Variants in TDRD10 observed in about 807,000 individuals in gnomAD.
The protein encoded by TDRD10 is tudor domain containing 10.
In TDRD10, 40 loss-of-function variants were observed where a neutral mutation model predicts 48.0. The observed-to-expected ratio is 0.83, with a 90% CI of 0.65 to 1.09. The LOEUF (loss-of-function observed/expected upper bound fraction) is 1.09, where lower values mean the gene tolerates loss of function less well. Among genes scored for constraint, TDRD10 ranks in the 50% least tolerant of loss-of-function variants. TDRD10 has a pLI of 0.00. For synonymous variants in TDRD10, 162 were observed against 170.4 expected (o/e 0.95, Z 0.38); for missense variants, 378 against 434.7 (o/e 0.87, Z 1.16).
Position 154,515,834 on chromosome 1 carries a change from C to T in TDRD10, c.142-4470C>T, listed in dbSNP as rs562322606. On this transcript the variant is annotated intron_variant, in intron 4 of 12. Transcript: ENST00000368482. ...GGTTCAAGCGATTCTCCTGCCTCAGCCTCCTAAGTAGGTGGGATTACAGGC... is the reference window on the plus strand; with the variant it reads ...GGTTCAAGCGATTCTCCTGCCTCAGTCTCCTAAGTAGGTGGGATTACAGGC... Among the ~76,000 whole-genome samples, 8 of 152,338 alleles carry T rather than the reference C, an allele frequency of 5.3e-5. No homozygotes were observed. In the East Asian group the frequency reaches 1.5e-3, roughly 29 times the overall value.
chr1:154,510,037 C>A (rs1165637233), intron 4 of TDRD10, among the ~76,000 whole-genome samples: 1 of 152,128 alleles, frequency 6.6e-6, no homozygotes, highest in Non-Finnish European at 1.5e-5. Flanking sequence ...ACCCATAGTG[C>A]CTTCTTTCGA....
intron 4 of TDRD10, among the ~76,000 whole-genome samples, chr1:154,519,881 A>G (rs4288587): frequency 6.6e-6 from 1 of 151,868 alleles, no homozygotes. Flanking sequence ...TTCCGGGAAG[A>G]GGAAGGGAAC....
At chr1:154,538,840 G>A (rs188189706) in intron 6 of TDRD10, among the ~76,000 whole-genome samples, 2 of 99,372 alleles carry the variant, frequency 2.0e-5, no homozygotes, top group African/African-American at 6.7e-5. Context: ...GTGACGGAGC[G>A]AGACTCCATC....
chr1:154,536,207 C>A (rs895814264), intron 6 of TDRD10, among the ~76,000 whole-genome samples: 69 of 152,290 alleles, frequency 4.5e-4, no homozygotes, highest in African/African-American at 1.5e-3. Flanking sequence ...GAAACCCCGT[C>A]TCTACTAAAA....
At chr1:154,521,041 C>T (rs933116668) in intron 5 of TDRD10, among the ~76,000 whole-genome samples, 9 of 152,148 alleles carry the variant, frequency 5.9e-5, no homozygotes, top group African/African-American at 2.2e-4. Context: ...ACCTGGCTTG[C>T]TTTGAACTTT....
At chr1:154,526,430 T>C (rs1359038013) in intron 6 of TDRD10, among the ~76,000 whole-genome samples, 1 of 151,320 alleles carries the variant, frequency 6.6e-6, no homozygotes, top group Non-Finnish European at 1.5e-5. Context: ...TTTTTTTTTT[T>C]TTTTTTTGAG....
intron 4 of TDRD10, among the ~76,000 whole-genome samples, chr1:154,518,912 A>G (rs530852326): frequency 3.3e-5 from 5 of 152,346 alleles, no homozygotes; most frequent in Admixed American, 2.0e-4. Context: ...TTTCTATTTT[A>G]TTTTAGTAAT....
chr1:154,546,577 C>T (rs749965601), intron 11 of TDRD10, among the ~76,000 whole-genome samples: 3 of 150,354 alleles, frequency 2.0e-5, no homozygotes, highest in Non-Finnish European at 4.4e-5. Flanking sequence ...GGCTTGTGCC[C>T]AGTGGGCAGG....
chr1:154,504,560 T>C (rs559641208), intron 1 of TDRD10, among the ~76,000 whole-genome samples: 4 of 152,362 alleles, frequency 2.6e-5, no homozygotes, highest in African/African-American at 9.6e-5. Flanking sequence ...TATCTCTTGC[T>C]TTTAGCCACC....
At chr1:154,530,227 C>T (rs1694538426) in intron 6 of TDRD10, among the ~76,000 whole-genome samples, 1 of 152,086 alleles carries the variant, frequency 6.6e-6, no homozygotes. Context: ...GTTGGCCAGG[C>T]TGGTCTTGAA....
At chr1:154,527,272 A>G (rs1273446526) in intron 6 of TDRD10, among the ~76,000 whole-genome samples, 1 of 152,236 alleles carries the variant, frequency 6.6e-6, no homozygotes, top group Non-Finnish European at 1.5e-5. Flanking sequence ...CGGAAGACCA[A>G]TTGTATTGGC....
In TDRD10 at chr1:154,507,316, T is replaced by G. The variant is rs1307621813; in HGVS notation, c.78T>G (p.Ser26=). ...GKNGVLEEQK[S]PGFKKRETEV... ...ATGGAGTGTTGGAGGAGCAGAAATCTCCAGGTAAGTTAGGCTGGGGGATTC... is the reference window on the plus strand; with the variant it reads ...ATGGAGTGTTGGAGGAGCAGAAATCGCCAGGTAAGTTAGGCTGGGGGATTC... Residue 26 remains serine, a synonymous_variant, in exon 3 of 13, where the codon TCT becomes TCG. Coordinates refer to ENST00000368482, the MANE Select transcript of TDRD10 (RefSeq NM_182499.4). The G allele has an allele frequency of 1.9e-6, 3 of 1,614,036 alleles. No individual in the cohort carries two copies. The highest frequency in any genetic ancestry group is 2.5e-6 in the Non-Finnish European group (3 of 1,180,010).
At chr1:154,544,649 T>C in intron 10 of TDRD10, 132 bp downstream of exon 10, 1 of 1,467,902 alleles carries the variant, frequency 6.8e-7, no homozygotes, top group South Asian at 1.4e-5. Flanking sequence ...TTTATCCTTA[T>C]TTCCTCACTC....
chr1:154,508,364 C>T (rs995816764), intron 3 of TDRD10, 59 bp from the exon 4 acceptor site: 1 of 1,176,122 alleles, frequency 8.5e-7, no homozygotes, highest in Non-Finnish European at 1.3e-6. Context: ...TGTATTCTGA[C>T]TCCTCTGAAT....
At chr1:154,506,805 G>A (rs1570888940) in intron 1 of TDRD10, 72 bp from the exon 2 acceptor site, 17 of 1,334,376 alleles carry the variant, frequency 1.3e-5, no homozygotes, top group Non-Finnish European at 1.2e-5. Context: ...GCTTACCACA[G>A]TACCTATTCG....
chr1:154,506,851 C>CT (rs1693179626), intron 1 of TDRD10, 26 bp from the exon 2 acceptor site: 1 of 1,600,908 alleles, frequency 6.2e-7, no homozygotes, highest in Non-Finnish European at 8.6e-7. Context: ...TGGCATTCCT[C>CT]TAACTGTGGC....
At chr1:154,503,909 A>G (rs80162210) in intron 1 of TDRD10, among the ~76,000 whole-genome samples, 1 of 152,224 alleles carries the variant, frequency 6.6e-6, no homozygotes, top group African/African-American at 2.4e-5. Context: ...CACCTGTTTT[A>G]AGTGTGCACC....
rs1557821455 is a variant in TDRD10, at chr1:154,521,386, TAA to T, written c.278_279del (p.Lys93ThrfsTer21). On this transcript the variant is annotated frameshift_variant, in exon 6 of 13. Transcript: ENST00000368482. LOFTEE classifies it high-confidence loss of function. ...VTLAIQELNG[K>X]LFHKRKLFVN... The stretch of plus-strand genomic sequence containing the variant: ...CACTTGCAATCCAGGAGCTGAATGG[TAA>T]ACTCTTCCACAAGCGAAAACTGTTC... The T allele has an allele frequency of 4.3e-6, 7 of 1,614,214 alleles. No homozygotes were observed. The highest frequency in any genetic ancestry group is 5.9e-6 in the Non-Finnish European group (7 of 1,180,044).
At position 154,508,457 on chromosome 1, in the gene TDRD10, C is replaced by A. The variant is rs747466912; in HGVS notation, c.117C>A (p.Gly39=). 12 of 1,609,978 alleles carry A rather than the reference C, an allele frequency of 7.5e-6. No homozygotes were observed. In the East Asian group the frequency reaches 2.2e-4, roughly 30 times the overall value. ...FKKRETEVYV[G]NLPLDISKEE... ...AAAGAGAGACAGAGGTGTATGTTGGCAATCTTCCACTGGATATTTCTAAGG... is the reference window on the plus strand; with the variant it reads ...AAAGAGAGACAGAGGTGTATGTTGGAAATCTTCCACTGGATATTTCTAAGG... The change falls in exon 4 of 13, where the codon GGC becomes GGA. Residue 39 remains glycine, a synonymous_variant. Coordinates refer to ENST00000368482, the MANE Select transcript of TDRD10 (RefSeq NM_182499.4).
Sources: gnomAD v4.1 joint callset for allele counts (sites outside exome capture counted in the v4.1 genomes callset) on GRCh38, gnomAD v4.1.1 for gene constraint, MANE v1.5 for transcripts, NCBI Gene and HGNC (gene_info 2026-07-23, HGNC 2026-07-21) for gene names.